Variants in GRID2 observed in about 807,000 individuals in gnomAD.
GRID2 encodes glutamate receptor ionotropic, delta-2.
GRID2 carries 33 observed loss-of-function variants against 114.8 expected under a neutral mutation model. That is an observed-to-expected ratio of 0.29 (90% confidence interval 0.22 to 0.38). GRID2 has a LOEUF of 0.38. Ranked by LOEUF, GRID2 falls within the 10% of genes least tolerant of loss-of-function variation. GRID2 has a pLI of 1.00. For missense variants in GRID2, 1,184 were observed against 1,257.7 expected (o/e 0.94, Z 0.89); for synonymous variants, 505 against 449.9 (o/e 1.12, Z -1.55).
At chr4:92,526,270 C>T (rs1215224627) in intron 1 of GRID2, among the ~76,000 whole-genome samples, 2 of 152,094 alleles carry the variant, frequency 1.3e-5, no homozygotes, top group African/African-American at 4.8e-5. Flanking sequence ...AGAATACTAT[C>T]AACACAGCCC....
At chr4:93,706,534 A>G (rs1203623391) in intron 14 of GRID2, among the ~76,000 whole-genome samples, 2 of 152,230 alleles carry the variant, frequency 1.3e-5, no homozygotes, top group Non-Finnish European at 2.9e-5. Context: ...GTTGGCATAT[A>G]GAAATGCTAC....
At chr4:92,609,784 C>T (rs1729634920) in intron 2 of GRID2, among the ~76,000 whole-genome samples, 1 of 151,420 alleles carries the variant, frequency 6.6e-6, no homozygotes. Flanking sequence ...TCACACCCTG[C>T]CTTGTTTTGA....
chr4:93,505,052 T>G lies in GRID2; in HGVS notation c.1998-10164T>G, dbSNP rs1728499088. 2.0e-5 allele frequency among the ~76,000 whole-genome samples: 3 copies of G among 152,162 alleles called. No individual in the cohort carries two copies. The South Asian group carries it at 6.2e-4, about 32-fold the overall frequency. On this transcript the variant is annotated intron_variant, in intron 12 of 15. Coordinates refer to ENST00000282020, the MANE Select transcript of GRID2 (RefSeq NM_001510.4). ...GGCTATGTACAAGTAAGGACTCCCTTGTGTTAAGTTTTCCAAGTCACTGAA... is the reference window on the plus strand; with the variant it reads ...GGCTATGTACAAGTAAGGACTCCCTGGTGTTAAGTTTTCCAAGTCACTGAA...
chr4:93,124,831 G>A (rs894409787), intron 4 of GRID2, among the ~76,000 whole-genome samples: 3 of 151,976 alleles, frequency 2.0e-5, no homozygotes, highest in African/African-American at 7.2e-5. Flanking sequence ...AAAACCCATT[G>A]TTATTAGAAT....
chr4:92,314,247 A>G (rs1173505234), intron 1 of GRID2, among the ~76,000 whole-genome samples: 1 of 152,130 alleles, frequency 6.6e-6, no homozygotes, highest in African/African-American at 2.4e-5. Context: ...TCTGAACTTA[A>G]GAGCAGATTA....
chr4:93,526,581 G>A (rs1275471028), intron 13 of GRID2, among the ~76,000 whole-genome samples: 2 of 152,106 alleles, frequency 1.3e-5, no homozygotes, highest in African/African-American at 4.8e-5. Flanking sequence ...AGGCTGAGGC[G>A]GACAGATCAC....
intron 2 of GRID2, among the ~76,000 whole-genome samples, chr4:92,912,883 T>C (rs1007689046): frequency 6.6e-6 from 1 of 151,858 alleles, no homozygotes; most frequent in Non-Finnish European, 1.5e-5. Context: ...AGATGAGTTG[T>C]AATTTACCCA....
At chr4:93,428,805 A>G (rs965054424) in intron 10 of GRID2, among the ~76,000 whole-genome samples, 4 of 152,208 alleles carry the variant, frequency 2.6e-5, no homozygotes, top group Admixed American at 2.0e-4. Context: ...TTACAACACA[A>G]TATACATATG....
intron 14 of GRID2, among the ~76,000 whole-genome samples, chr4:93,725,365 T>G (rs938530570): frequency 5.3e-5 from 8 of 152,222 alleles, no homozygotes; most frequent in Non-Finnish European, 7.3e-5. Context: ...TGCCACATTT[T>G]CTTAATCCAG....
chr4:92,611,145 CAT>C (rs1491268295), intron 2 of GRID2, among the ~76,000 whole-genome samples: 284 of 121,268 alleles, frequency 2.3e-3, no homozygotes, highest in Admixed American at 7.4e-3. Flanking sequence ...TGTGTGTGTG[CAT>C]GTGTGTGTGT....
intron 2 of GRID2, among the ~76,000 whole-genome samples, chr4:92,920,185 T>G (rs2149503359): frequency 6.6e-6 from 1 of 152,294 alleles, no homozygotes; most frequent in East Asian, 1.9e-4. Context: ...CCTTTTTTTG[T>G]TTTCCATTTG....
chr4:93,254,530 G>A (rs1360214380), intron 8 of GRID2, among the ~76,000 whole-genome samples: 1 of 152,008 alleles, frequency 6.6e-6, no homozygotes, highest in Non-Finnish European at 1.5e-5. Context: ...TAGTTTTGTG[G>A]TTTTAAATGG....
At chr4:93,781,089 C>A (rs17021110) in intron 1 of GRID2, among the ~76,000 whole-genome samples, 7,320 of 152,150 alleles carry the variant, frequency 0.048, 572 homozygotes, top group African/African-American at 0.16. Context: ...ATATAATTTT[C>A]CCAAAAAGTG....
At chr4:92,643,587 G>A (rs1041786368) in intron 2 of GRID2, among the ~76,000 whole-genome samples, 2 of 151,522 alleles carry the variant, frequency 1.3e-5, no homozygotes, top group African/African-American at 2.4e-5. Context: ...ATTTACAATA[G>A]CTACAAAAAA....
intron 14 of GRID2, among the ~76,000 whole-genome samples, chr4:93,630,735 C>T (rs1448516528): frequency 6.6e-6 from 1 of 152,076 alleles, no homozygotes. Context: ...AGAAATGGAA[C>T]TAACAGTAGC....
intron 2 of GRID2, among the ~76,000 whole-genome samples, chr4:92,850,678 T>C (rs747120893): frequency 6.6e-6 from 1 of 151,946 alleles, no homozygotes; most frequent in African/African-American, 2.4e-5. Context: ...TCCCAAATGA[T>C]AGAAACAGTT....
intron 11 of GRID2, among the ~76,000 whole-genome samples, chr4:93,478,247 CTTAAAAG>C (rs1725506250): frequency 6.6e-6 from 1 of 152,096 alleles, no homozygotes; most frequent in African/African-American, 2.4e-5. Context: ...GCAATTGGCA[CTTAAAAG>C]TTAAGTTAAA....
chr4:93,362,554 A>G (rs1004458226), intron 8 of GRID2, among the ~76,000 whole-genome samples: 33 of 152,234 alleles, frequency 2.2e-4, no homozygotes, highest in African/African-American at 7.9e-4. Flanking sequence ...CTGAGAAACT[A>G]TAGCAAAGCT....
At chr4:93,599,808 T>A (rs1201103191) in intron 13 of GRID2, among the ~76,000 whole-genome samples, 1 of 152,132 alleles carries the variant, frequency 6.6e-6, no homozygotes, top group Non-Finnish European at 1.5e-5. Flanking sequence ...ACAGCTAGCA[T>A]TCAAGAATAA....
Sources: gnomAD v4.1 joint callset for allele counts (sites outside exome capture counted in the v4.1 genomes callset) on GRCh38, gnomAD v4.1.1 for gene constraint, MANE v1.5 for transcripts, NCBI Gene and HGNC (gene_info 2026-07-23, HGNC 2026-07-21) for gene names.